The following PADI3 variants were observed in gnomAD, a reference collection of about 807,000 sequenced individuals.
PADI3 encodes the protein protein-arginine deiminase type-3.
Under a neutral mutation model 71.5 loss-of-function variants are expected in PADI3, and 53 were observed. That is an observed-to-expected ratio of 0.74 (90% CI 0.59 to 0.93). The LOEUF (loss-of-function observed/expected upper bound fraction) is 0.93, where lower values mean the gene tolerates loss of function less well. Ranked by LOEUF, PADI3 falls within the 40% of genes least tolerant of loss-of-function variation. The probability of loss-of-function intolerance (pLI) is 0.00; values close to 1 mark genes in which losing one functional copy is unlikely to be tolerated. For missense variants in PADI3, 821 were observed against 868.0 expected (o/e 0.95, Z 0.68); for synonymous variants, 361 against 347.5 (o/e 1.04, Z -0.43).
intron 10 of PADI3, among the ~76,000 whole-genome samples, 198 bp downstream of exon 10, chr1:17,273,645 T>C (rs527300342): frequency 6.6e-6 from 1 of 152,312 alleles, no homozygotes; most frequent in African/African-American, 2.4e-5. Context: ...TTGGTGTAAG[T>C]ACGTCCCAAA....
chr1:17,270,144 G>T, intron 6 of PADI3, 89 bp from the exon 7 acceptor site: 1 of 1,456,034 alleles, frequency 6.9e-7, no homozygotes. Context: ...GGAATTTTTG[G>T]TGAGGCTGCA....
intron 1 of PADI3, among the ~76,000 whole-genome samples, chr1:17,256,508 A>T (rs1214307880): frequency 1.3e-5 from 2 of 151,898 alleles, no homozygotes; most frequent in Non-Finnish European, 2.9e-5. Context: ...GGTCCTGGGG[A>T]CCCTCCTGGG....
chr1:17,276,904 G>C, intron 13 of PADI3, 28 bp downstream of exon 13: 5 of 1,569,018 alleles, frequency 3.2e-6, no homozygotes, highest in Non-Finnish European at 3.5e-6. Flanking sequence ...GTCCCTCCTT[G>C]CGGCTTGCCT....
chr1:17,270,017 G>T (rs935275815), intron 6 of PADI3, among the ~76,000 whole-genome samples: 2 of 152,140 alleles, frequency 1.3e-5, no homozygotes, highest in Admixed American at 6.6e-5. Context: ...GCTCCAAAAA[G>T]GTATGAGCGC....
At chr1:17,259,304 C>G (rs1045887618) in intron 1 of PADI3, among the ~76,000 whole-genome samples, 2 of 152,132 alleles carry the variant, frequency 1.3e-5, no homozygotes, top group African/African-American at 4.8e-5. Flanking sequence ...GTGATCCGCC[C>G]GCCTCGGCTT....
chr1:17,280,290 G>A lies in PADI3; in HGVS notation c.1556-60G>A, dbSNP rs2073384216. The A allele has an allele frequency of 3.0e-6, 4 of 1,324,790 alleles. No homozygotes were observed. The South Asian group carries it at 4.7e-5, about 16-fold the overall frequency. The allele number at this position is 1,324,790 out of a possible 1,614,324, so 82.1% of individuals were successfully genotyped here. A position where few individuals can be genotyped will look rare whatever the true frequency, so the allele number is the denominator to read the frequency against. On this transcript the variant is annotated intron_variant, in intron 13 of 15. Transcript: ENST00000375460. ...GGCTCCTGCCTGTCTGCTTCCCTAA[G>A]CAGGTGGTCCTCACGTTGGTGCTGT...
chr1:17,269,947 C>T (rs559513920), intron 6 of PADI3, among the ~76,000 whole-genome samples: 1 of 152,228 alleles, frequency 6.6e-6, no homozygotes, highest in East Asian at 1.9e-4. Context: ...GGAAAGATAC[C>T]TAGCAGTGGA....
chr1:17,251,870 G>A (rs4920579), intron 1 of PADI3, among the ~76,000 whole-genome samples: 12,164 of 152,236 alleles, frequency 0.08, 585 homozygotes, highest in South Asian at 0.2. Flanking sequence ...GATGTCTGGG[G>A]AACAGTCTCT....
chr1:17,258,113 C>A (rs910810361), intron 1 of PADI3, among the ~76,000 whole-genome samples: 1 of 151,788 alleles, frequency 6.6e-6, no homozygotes, highest in Non-Finnish European at 1.5e-5. Context: ...ATAGTGCCTC[C>A]CTTCTAGGGT....
At chr1:17,268,066 C>G (rs1289593516) in intron 6 of PADI3, 104 bp downstream of exon 6, 2 of 1,353,650 alleles carry the variant, frequency 1.5e-6, no homozygotes. Context: ...CCTGCTTACA[C>G]TCCGGGAGAT....
At chr1:17,258,187 A>G (rs1474596911) in intron 1 of PADI3, among the ~76,000 whole-genome samples, 1 of 152,228 alleles carries the variant, frequency 6.6e-6, no homozygotes, top group Non-Finnish European at 1.5e-5. Context: ...AGTCACTGTT[A>G]TCCCCCAGGG....
intron 2 of PADI3, among the ~76,000 whole-genome samples, chr1:17,260,586 G>A (rs1034166366): frequency 3.9e-5 from 6 of 152,290 alleles, no homozygotes; most frequent in Admixed American, 1.3e-4. Context: ...TCCCGGGACC[G>A]CACACTAATG....
rs555673841 is a variant in PADI3, at chr1:17,259,847, C to T, written c.273+89C>T. On this transcript the variant is annotated intron_variant, in intron 2 of 15. Coordinates refer to ENST00000375460, the MANE Select transcript of PADI3 (RefSeq NM_016233.2). ...GGCCCAACATTCTCTTTCTCCAGAG[C>T]GCAGGGCAACACAGTGGGTAAGTGC... The T allele has an allele frequency of 5.3e-5, 62 of 1,168,632 alleles. 1 individual carries two copies. The highest frequency in any genetic ancestry group is 2.4e-4 in the Middle Eastern group (1 of 4,200). 72.4% of individuals were successfully genotyped at this position (1,168,632 alleles called of 1,614,324 possible).
intron 2 of PADI3, 102 bp downstream of exon 2, chr1:17,259,860 A>C: frequency 3.1e-6 from 3 of 970,084 alleles, no homozygotes; most frequent in Non-Finnish European, 4.5e-6. Flanking sequence ...AGGGCAACAC[A>C]GTGGGTAAGT....
At chr1:17,262,552 T>C (rs989988486) in intron 3 of PADI3, among the ~76,000 whole-genome samples, 2 of 152,148 alleles carry the variant, frequency 1.3e-5, no homozygotes, top group Non-Finnish European at 2.9e-5. Context: ...TGCAAAGTAA[T>C]AGTGATTAAT....
intron 1 of PADI3, 142 bp from the exon 2 acceptor site, chr1:17,259,436 C>T: frequency 4.5e-6 from 3 of 663,642 alleles, no homozygotes; most frequent in East Asian, 2.7e-5. Context: ...AGGCTTGACT[C>T]GCAGGAGCTT....
rs375533169 is a variant in PADI3 at position 17,259,626 on chromosome 1, C to T, written c.141C>T (p.Gly47=). The part of the protein sequence containing the change: ...TEMFEVYGTP[G]VDIYISPNME... The stretch of plus-strand genomic sequence containing the variant: ...TGTTTGAGGTCTATGGGACGCCTGG[C>T]GTGGACATCTACATCTCTCCCAACA... Residue 47 remains glycine (G), a synonymous_variant, in exon 2 of 16, where the codon GGC becomes GGT. Transcript: ENST00000375460. The T allele has an allele frequency of 2.0e-5, 32 of 1,613,096 alleles. No homozygotes were observed. Among genetic ancestry groups the T allele is most frequent in the South Asian group, 4.4e-5 (4 of 90,908 alleles).
rs1356094250 is a variant in PADI3 at position 17,270,853 on chromosome 1, C to T, written c.832-26C>T. 4 of 1,574,782 alleles carry T rather than the reference C, an allele frequency of 2.5e-6. No individual in the cohort carries two copies. In the South Asian group the frequency reaches 4.4e-5, roughly 17 times the overall value. ...GCCTCTGGACTCCAAGTCCAGTGCT[C>T]TTTCTCCCCTGGTCTGCCCCTGCAG... On this transcript the variant is annotated intron_variant, in intron 7 of 15. Coordinates refer to ENST00000375460, the MANE Select transcript of PADI3 (RefSeq NM_016233.2).
chr1:17,260,433 T>A (rs2073089337), intron 2 of PADI3, among the ~76,000 whole-genome samples: 1 of 151,980 alleles, frequency 6.6e-6, no homozygotes, highest in South Asian at 2.1e-4. Context: ...GGAGCGATGT[T>A]TCAGAAACTG....
Sources: gnomAD v4.1 joint callset for allele counts (sites outside exome capture counted in the v4.1 genomes callset) on GRCh38, gnomAD v4.1.1 for gene constraint, MANE v1.5 for transcripts, NCBI Gene and HGNC (gene_info 2026-07-23, HGNC 2026-07-21) for gene names.